BCL2: variants seen among roughly 807,000 people sequenced by gnomAD.
BCL2 encodes BCL2 apoptosis regulator, also known as apoptosis regulator Bcl-2.
In BCL2, 1 loss-of-function variant was observed where a neutral mutation model predicts 14.2. That is an observed-to-expected ratio of 0.07 (90% CI 0.02 to 0.33). BCL2 has a LOEUF of 0.33. BCL2 is among the 10% of genes least tolerant of loss of function. BCL2 has a pLI of 0.99. For synonymous variants in BCL2, 151 were observed against 137.2 expected (o/e 1.10, Z -0.70); for missense variants, 247 against 305.9 (o/e 0.81, Z 1.44).
rs753521563 is a variant in BCL2 at position 63,159,448 on chromosome 18, G to T, written c.586-30689C>A. Among the ~76,000 whole-genome samples the T allele has an allele frequency of 2.0e-5, 3 of 152,316 alleles. No homozygotes were observed. The South Asian group carries it at 6.2e-4, about 32-fold the overall frequency. On this transcript the variant is annotated intron_variant, in intron 2 of 2. Transcript: ENST00000333681. ...TTTCCCAAGTAAAAGTTCTGAAACG[G>T]ATTTCTTTTAGAAGCAGAGATAACT...
chr18:63,169,310 TCCTTCCTTCCTTCTTTCCTTTCCTTCC>T (rs1568222482), intron 2 of BCL2, among the ~76,000 whole-genome samples: 9 of 53,974 alleles, frequency 1.7e-4, no homozygotes, highest in East Asian at 5.5e-4. Context: ...CTTTCTTTCT[TCCTTCCTTCCTTCTTTCCTTTCCTTCC>T]TTTCTTTCTT....
chr18:63,201,400 T>G (rs1909689761), intron 2 of BCL2, among the ~76,000 whole-genome samples: 1 of 152,204 alleles, frequency 6.6e-6, no homozygotes, highest in African/African-American at 2.4e-5. Context: ...TGGGGGAATC[T>G]CCTTTGGTTA....
chr18:63,148,310 G>C (rs1914565474), intron 2 of BCL2, among the ~76,000 whole-genome samples: 3 of 151,606 alleles, frequency 2.0e-5, no homozygotes, highest in South Asian at 2.1e-4. Context: ...TAACATTCCA[G>C]GAAAAAAGTG....
intron 2 of BCL2, among the ~76,000 whole-genome samples, chr18:63,281,222 G>GA (rs1328102766): frequency 2.0e-4 from 30 of 152,048 alleles, no homozygotes; most frequent in African/African-American, 6.5e-4. Flanking sequence ...TGTCTGAGAA[G>GA]AAAAAAATAA....
chr18:63,151,747 C>A (rs1012471319), intron 2 of BCL2, among the ~76,000 whole-genome samples: 8 of 152,116 alleles, frequency 5.3e-5, no homozygotes, highest in African/African-American at 1.4e-4. Context: ...GCTCTTAATG[C>A]GATGTGAGTC....
chr18:63,162,174 A>G (rs1227482298), intron 2 of BCL2, among the ~76,000 whole-genome samples: 1 of 152,232 alleles, frequency 6.6e-6, no homozygotes, highest in Non-Finnish European at 1.5e-5. Context: ...GACAGGCAAA[A>G]GGCCTAATAT....
At chr18:63,302,911 A>AG (rs1171577646) in intron 2 of BCL2, 9 of 982,304 alleles carry the variant, frequency 9.2e-6, no homozygotes, top group Non-Finnish European at 1.1e-5. Flanking sequence ...AATTAAACTG[A>AG]GGGGGATGGA....
rs145860011 is a variant in BCL2 at position 63,231,346 on chromosome 18, T to C, written c.585+86736A>G. The stretch of plus-strand genomic sequence containing the variant: ...CCACTCTATTCATTATTGTATGAGA[T>C]ACCTTGCTGATGTAATAAAGCAAGA... On this transcript the variant is annotated intron_variant, in intron 2 of 2. Coordinates refer to ENST00000333681, the MANE Select transcript of BCL2 (RefSeq NM_000633.3). Among the ~76,000 whole-genome samples, 423 of 151,892 alleles carry C rather than the reference T, an allele frequency of 2.8e-3. 1 individual carries two copies. The highest frequency in any genetic ancestry group is 3.5e-3 in the Non-Finnish European group (236 of 67,868).
chr18:63,206,289 G>A (rs756192902), intron 2 of BCL2, among the ~76,000 whole-genome samples: 21 of 152,308 alleles, frequency 1.4e-4, no homozygotes, highest in Admixed American at 3.3e-4. Context: ...ATACCCAAGC[G>A]TTAGATAATT....
chr18:63,234,117 T>G (rs1910758206), intron 2 of BCL2, among the ~76,000 whole-genome samples: 1 of 152,196 alleles, frequency 6.6e-6, no homozygotes, highest in African/African-American at 2.4e-5. Flanking sequence ...TGGGATACAT[T>G]TGTAGGATGT....
chr18:63,203,705 C>T (rs1307862693), intron 2 of BCL2, among the ~76,000 whole-genome samples: 1 of 151,756 alleles, frequency 6.6e-6, no homozygotes, highest in African/African-American at 2.4e-5. Context: ...CACACACATA[C>T]ACACACATAA....
chr18:63,129,819 G>A (rs1282935600), intron 2 of BCL2, among the ~76,000 whole-genome samples: 4 of 152,150 alleles, frequency 2.6e-5, no homozygotes, highest in Non-Finnish European at 5.9e-5. Flanking sequence ...CTTGACTGGT[G>A]CAGTGCCAAC....
rs1911062175 is a variant in BCL2 at position 63,243,279 on chromosome 18, G to A, written c.585+74803C>T. 2.0e-5 allele frequency among the ~76,000 whole-genome samples: 3 copies of A among 152,176 alleles called. No individual in the cohort carries two copies. In the South Asian group the frequency reaches 6.2e-4, roughly 32 times the overall value. ...CATCAGGAACAGAAAACCAAATACTGCATGTTCTTACTTATTAGTGGGAGC... is the reference window on the plus strand; with the variant it reads ...CATCAGGAACAGAAAACCAAATACTACATGTTCTTACTTATTAGTGGGAGC... On this transcript the variant is annotated intron_variant, in intron 2 of 2. Coordinates refer to ENST00000333681, the MANE Select transcript of BCL2 (RefSeq NM_000633.3).
At chr18:63,198,635 C>G (rs1415106222) in intron 2 of BCL2, among the ~76,000 whole-genome samples, 1 of 146,574 alleles carries the variant, frequency 6.8e-6, no homozygotes, top group African/African-American at 2.6e-5. Flanking sequence ...GACACAGAGA[C>G]ACACACACAG....
chr18:63,305,353 G>A (rs1035716172), intron 2 of BCL2, among the ~76,000 whole-genome samples: 1 of 152,102 alleles, frequency 6.6e-6, no homozygotes, highest in Admixed American at 6.5e-5. Flanking sequence ...AAATATCTAC[G>A]GGATTCCCAA....
At chr18:63,242,301 G>A (rs1222012614) in intron 2 of BCL2, among the ~76,000 whole-genome samples, 2 of 152,174 alleles carry the variant, frequency 1.3e-5, no homozygotes, top group African/African-American at 2.4e-5. Flanking sequence ...TGTGACATGA[G>A]GCAGATTATC....
At chr18:63,304,417 A>G (rs141453475) in intron 2 of BCL2, among the ~76,000 whole-genome samples, 41 of 152,340 alleles carry the variant, frequency 2.7e-4, no homozygotes, top group African/African-American at 9.4e-4. Context: ...AAAAACATGT[A>G]CCAAATATTT....
chr18:63,244,152 G>C (rs1237288405), intron 2 of BCL2, among the ~76,000 whole-genome samples: 1 of 152,128 alleles, frequency 6.6e-6, no homozygotes, highest in Non-Finnish European at 1.5e-5. Flanking sequence ...GGCCGAGGTG[G>C]GTAGATTGTG....
At chr18:63,183,543 C>T (rs1401110369) in intron 2 of BCL2, among the ~76,000 whole-genome samples, 2 of 152,124 alleles carry the variant, frequency 1.3e-5, no homozygotes, top group African/African-American at 2.4e-5. Flanking sequence ...CAGCTGTGCC[C>T]GTGGGTACCT....
Sources: gnomAD v4.1 joint callset for allele counts (sites outside exome capture counted in the v4.1 genomes callset) on GRCh38, gnomAD v4.1.1 for gene constraint, MANE v1.5 for transcripts, NCBI Gene and HGNC (gene_info 2026-07-23, HGNC 2026-07-21) for gene names.